The following ATCAY variants were observed in gnomAD, a reference collection of about 807,000 sequenced individuals.
ATCAY encodes the protein ATCAY kinesin light chain interacting caytaxin, also known as caytaxin.
In ATCAY, 22 loss-of-function variants were observed where a neutral mutation model predicts 47.7. The observed-to-expected ratio is 0.46, with a 90% CI of 0.33 to 0.66. The LOEUF (loss-of-function observed/expected upper bound fraction) is 0.66. ATCAY is among the 30% of genes least tolerant of loss of function. The pLI is 0.02. For synonymous variants in ATCAY, 216 were observed against 207.6 expected, an observed-to-expected ratio of 1.04 and a Z score of -0.35; for missense variants, 452 against 515.0, an observed-to-expected ratio of 0.88 and a Z score of 1.18.
intron 12 of ATCAY, among the ~76,000 whole-genome samples, chr19:3,921,829 G>A (rs781287087): frequency 5.3e-5 from 8 of 152,024 alleles, no homozygotes; most frequent in African/African-American, 1.9e-4. Context: ...CCTGGGAGGC[G>A]GAGGTTGCAG....
rs539724831 is a variant in ATCAY, at chr19:3,907,113, G to A, written c.359-621G>A. ...CGCACCACTCCACTCCAGCCTGGGC[G>A]ATGGAACAAGACTCTCTCAAAAAAA... On this transcript the variant is annotated intron_variant, in intron 4 of 12. Transcript: ENST00000450849. This position sits in a 1 kb window ranked among gnomAD's most constrained non-coding sequence, Gnocchi z 5.1. 1.0e-4 allele frequency among the ~76,000 whole-genome samples: 15 copies of A among 147,310 alleles called. No homozygotes were observed. The East Asian group carries it at 2.4e-3, about 23-fold the overall frequency.
In ATCAY at chr19:3,917,564, G is replaced by A. The variant is rs545805742; in HGVS notation, c.966-178G>A. 1.1e-4 allele frequency among the ~76,000 whole-genome samples: 12 copies of A among 111,020 alleles called. No homozygotes were observed. The East Asian group carries it at 2.2e-3, about 21-fold the overall frequency. 72.8% of individuals were successfully genotyped at this position (111,020 alleles called of 152,430 possible). Reference sequence around the variant, plus strand: ...CGCACCACTGCACTCCAGCTTGGGCGACAGTGCAAGACTCCATCTCAAAAA... The same window carrying A: ...CGCACCACTGCACTCCAGCTTGGGCAACAGTGCAAGACTCCATCTCAAAAA... On this transcript the variant is annotated intron_variant, in intron 9 of 12. Coordinates refer to ENST00000450849, the MANE Select transcript of ATCAY (RefSeq NM_033064.5).
intron 2 of ATCAY, among the ~76,000 whole-genome samples, chr19:3,899,624 T>C (rs569348274): frequency 1.3e-5 from 2 of 152,206 alleles, no homozygotes; most frequent in Non-Finnish European, 1.5e-5. Context: ...CAATAAATCA[T>C]TTTTTTAAAG....
chr19:3,894,340 T>C (rs1051328334), intron 2 of ATCAY, among the ~76,000 whole-genome samples: 23 of 151,716 alleles, frequency 1.5e-4, no homozygotes, highest in African/African-American at 5.3e-4. Flanking sequence ...AAAAATTAGC[T>C]GGGCGTGGTG....
Position 3,924,646 on chromosome 19 carries a change from C to T in ATCAY, c.*54C>T. The T allele has an allele frequency of 6.2e-7, 1 of 1,604,372 alleles. No homozygotes were observed. The highest frequency in any genetic ancestry group is 8.5e-7 in the Non-Finnish European group (1 of 1,172,630). On this transcript the variant is annotated 3_prime_UTR_variant, in exon 13 of 13. Coordinates refer to ENST00000450849, the MANE Select transcript of ATCAY (RefSeq NM_033064.5). ...AAGAAGATTCCAGATGCCAGAAAACCTCTGTCAGACGCCCACTGGCCCCAG... is the reference window on the plus strand; with the variant it reads ...AAGAAGATTCCAGATGCCAGAAAACTTCTGTCAGACGCCCACTGGCCCCAG...
Position 3,913,150 on chromosome 19 carries a change from G to A in ATCAY, c.867-608G>A, listed in dbSNP as rs138526589. Among the ~76,000 whole-genome samples, 1,085 of 152,122 alleles carry A rather than the reference G, an allele frequency of 7.1e-3. 18 individuals carry two copies. Among genetic ancestry groups the A allele is most frequent in the African/African-American group, 0.025 (1,032 of 41,502 alleles). ...TAAAAATACAAAATTAGCCGAGAGT[G>A]GTGGTGCATGCCTGTAGTCCCAGCT... On this transcript the variant is annotated intron_variant, in intron 8 of 12. Coordinates refer to ENST00000450849, the MANE Select transcript of ATCAY (RefSeq NM_033064.5).
intron 12 of ATCAY, among the ~76,000 whole-genome samples, chr19:3,923,836 G>GGATGGA (rs1568455046): frequency 2.2e-5 from 3 of 135,832 alleles, no homozygotes; most frequent in Admixed American, 7.3e-5. Flanking sequence ...GGGTGGGTGG[G>GGATGGA]TGGATGGATG....
chr19:3,898,494 T>A (rs1170189637), intron 2 of ATCAY, among the ~76,000 whole-genome samples: 1 of 152,212 alleles, frequency 6.6e-6, no homozygotes, highest in Non-Finnish European at 1.5e-5. Context: ...CAACATTTCA[T>A]GTAATTGGAA....
intron 12 of ATCAY, chr19:3,922,125 A>T (rs2039026351): frequency 1.4e-6 from 1 of 702,648 alleles, no homozygotes. Flanking sequence ...TCAACTACAT[A>T]CACCTGGCTG....
intron 3 of ATCAY, among the ~76,000 whole-genome samples, chr19:3,904,236 A>C (rs1423568234): frequency 6.6e-6 from 1 of 152,238 alleles, no homozygotes; most frequent in African/African-American, 2.4e-5. Context: ...AGGTGGGAGA[A>C]TCACTTGAAC....
At chr19:3,897,856 C>G (rs1199087634) in intron 2 of ATCAY, among the ~76,000 whole-genome samples, 1 of 151,984 alleles carries the variant, frequency 6.6e-6, no homozygotes, top group Non-Finnish European at 1.5e-5. Context: ...TGCAGTGAGC[C>G]AAGATTGTGC....
intron 8 of ATCAY, 129 bp downstream of exon 8, chr19:3,911,018 T>C: frequency 2.1e-6 from 2 of 974,314 alleles, no homozygotes; most frequent in Non-Finnish European, 3.2e-6. Flanking sequence ...TGTGCATCCA[T>C]GTGTGTGTTT....
At chr19:3,883,974 C>T (rs1206192749) in intron 1 of ATCAY, among the ~76,000 whole-genome samples, 1 of 151,990 alleles carries the variant, frequency 6.6e-6, no homozygotes, top group African/African-American at 2.4e-5. Context: ...CTGCCCCTGC[C>T]CCCAGTGAGC....
At position 3,907,996 on chromosome 19, in the gene ATCAY, C is replaced by G. The variant is rs2145247898; in HGVS notation, c.544+77C>G. On this transcript the variant is annotated intron_variant, in intron 5 of 12. Transcript: ENST00000450849. The surrounding 1 kb of genome is among the most constrained non-coding windows in gnomAD (Gnocchi z 5.1). Reference sequence around the variant, plus strand: ...CAACAGGGGGTTCGTCAGTGCCCCTCTCTGATGCACGGGGATGTTAAGCCG... The same window carrying G: ...CAACAGGGGGTTCGTCAGTGCCCCTGTCTGATGCACGGGGATGTTAAGCCG... The G allele has an allele frequency of 6.7e-7, 1 of 1,494,438 alleles. No individual in the cohort carries two copies. The highest frequency in any genetic ancestry group is 9.2e-7 in the Non-Finnish European group (1 of 1,092,164). The allele number at this position is 1,494,438 out of a possible 1,614,324, so 92.6% of individuals were successfully genotyped here.
chr19:3,918,455 T>C (rs1206608457), intron 10 of ATCAY, among the ~76,000 whole-genome samples: 1 of 150,842 alleles, frequency 6.6e-6, no homozygotes, highest in Admixed American at 6.6e-5. Flanking sequence ...GCAGGGAGAC[T>C]GAATCGGGAC....
At chr19:3,900,147 T>A (rs781185060) in intron 2 of ATCAY, among the ~76,000 whole-genome samples, 11 of 152,042 alleles carry the variant, frequency 7.2e-5, no homozygotes, top group Non-Finnish European at 1.3e-4. Flanking sequence ...CCATGCTTTT[T>A]TAGATTTTCA....
At chr19:3,887,641 C>T (rs1282588800) in intron 2 of ATCAY, among the ~76,000 whole-genome samples, 2 of 150,698 alleles carry the variant, frequency 1.3e-5, no homozygotes, top group African/African-American at 4.8e-5. Context: ...CACCCGCCAC[C>T]ACGCCCGGCT....
Position 3,907,027 on chromosome 19 carries a change from G to A in ATCAY, c.359-707G>A, listed in dbSNP as rs1268196384. Among the ~76,000 whole-genome samples the A allele has an allele frequency of 6.6e-6, 1 of 151,620 alleles. No homozygotes were observed. Among genetic ancestry groups the A allele is most frequent in the South Asian group, 2.1e-4 (1 of 4,792 alleles). On this transcript the variant is annotated intron_variant, in intron 4 of 12. Coordinates refer to ENST00000450849, the MANE Select transcript of ATCAY (RefSeq NM_033064.5). The surrounding 1 kb of genome is among the most constrained non-coding windows in gnomAD (Gnocchi z 5.1). ...GTGGCGTGCGTAGTCCCAGCTACTC[G>A]GGAGGCTGAGGCAGGAGAATCGCTT...
intron 3 of ATCAY, among the ~76,000 whole-genome samples, chr19:3,902,996 C>T (rs2145240245): frequency 6.6e-6 from 1 of 152,158 alleles, no homozygotes; most frequent in South Asian, 2.1e-4. Context: ...TTTTGGGAGA[C>T]CGGGTCACAC....
Sources: gnomAD v4.1 joint callset for allele counts (sites outside exome capture counted in the v4.1 genomes callset) on GRCh38, gnomAD v4.1.1 for gene constraint, Gnocchi (gnomAD v3.1) non-coding constraint, MANE v1.5 for transcripts, NCBI Gene and HGNC (gene_info 2026-07-23, HGNC 2026-07-21) for gene names.